Variants in PTPRO observed in about 807,000 individuals in gnomAD.
The protein encoded by PTPRO is protein tyrosine phosphatase receptor type O.
A neutral mutation model predicts 145.2 loss-of-function variants in PTPRO; 62 were observed. The observed-to-expected ratio is 0.43, with a 90% CI of 0.35 to 0.53. The LOEUF (loss-of-function observed/expected upper bound fraction) is 0.53. Among genes scored for constraint, PTPRO ranks in the 20% least tolerant of loss-of-function variants. The pLI, the probability that PTPRO is intolerant of heterozygous loss-of-function variation, is 0.01. For missense variants in PTPRO, 1,345 were observed against 1,482.7 expected, an observed-to-expected ratio of 0.91 and a Z score of 1.53; for synonymous variants, 565 against 514.7, an observed-to-expected ratio of 1.10 and a Z score of -1.32.
intron 18 of PTPRO, among the ~76,000 whole-genome samples, chr12:15,567,345 A>G (rs141751107): frequency 1.5e-3 from 225 of 151,490 alleles, no homozygotes; most frequent in African/African-American, 5.2e-3. Context: ...TTCTATCTCC[A>G]CTTGTCTTCA....
intron 8 of PTPRO, among the ~76,000 whole-genome samples, chr12:15,516,559 G>A (rs1484030059): frequency 7.3e-6 from 1 of 136,964 alleles, no homozygotes; most frequent in African/African-American, 2.7e-5. Flanking sequence ...GAGGGAAGAA[G>A]GAAGGGGGAG....
chr12:15,529,007 C>T (rs1367057358), intron 12 of PTPRO, among the ~76,000 whole-genome samples: 1 of 152,114 alleles, frequency 6.6e-6, no homozygotes, highest in Non-Finnish European at 1.5e-5. Flanking sequence ...ACAAGAAATG[C>T]AAGAGAGTTC....
At chr12:15,565,674 A>G (rs1316287047) in intron 18 of PTPRO, 46 bp downstream of exon 18, 1 of 1,282,866 alleles carries the variant, frequency 7.8e-7, no homozygotes, top group South Asian at 1.2e-5. Flanking sequence ...TTGTTATAAT[A>G]ATCTTAACGT....
At chr12:15,513,203 AAGAAAG>A (rs1217755640) in intron 7 of PTPRO, among the ~76,000 whole-genome samples, 5 of 120,154 alleles carry the variant, frequency 4.2e-5, no homozygotes, top group African/African-American at 1.9e-4. Flanking sequence ...GAAAGAAAGA[AAGAAAG>A]AAAGAAAGAA....
intron 1 of PTPRO, among the ~76,000 whole-genome samples, chr12:15,433,201 G>A (rs1193677320): frequency 7.4e-6 from 1 of 134,732 alleles, no homozygotes; most frequent in Admixed American, 8.1e-5. Context: ...CTGAGGTGGA[G>A]TCTCACTCTG....
intron 12 of PTPRO, among the ~76,000 whole-genome samples, chr12:15,537,887 G>C (rs1044709988): frequency 2.0e-5 from 3 of 152,144 alleles, no homozygotes; most frequent in Non-Finnish European, 4.4e-5. Flanking sequence ...CAAACAGACA[G>C]TATGGGCATT....
intron 12 of PTPRO, among the ~76,000 whole-genome samples, chr12:15,541,774 G>C (rs1591706927): frequency 6.6e-6 from 1 of 152,226 alleles, no homozygotes; most frequent in East Asian, 1.9e-4. Flanking sequence ...AACTTTGGGT[G>C]GCTGAGGTGG....
chr12:15,578,825 T>C (rs1258587651), intron 19 of PTPRO, 28 bp from the exon 20 acceptor site: 2 of 1,505,566 alleles, frequency 1.3e-6, no homozygotes, highest in Non-Finnish European at 1.8e-6. Context: ...CGTATGGAAC[T>C]CTCAAATCCA....
At chr12:15,557,409 T>C in intron 15 of PTPRO, 46 bp from the exon 16 acceptor site, 1 of 1,498,282 alleles carries the variant, frequency 6.7e-7, no homozygotes, top group Non-Finnish European at 9.3e-7. Flanking sequence ...AACGTAAGAA[T>C]GCTTTGTCAA....
At position 15,595,044 on chromosome 12, in the gene PTPRO, C is replaced by A; in HGVS notation, c.*3C>A. The A allele has an allele frequency of 6.2e-7, 1 of 1,608,822 alleles. No individual in the cohort carries two copies. The highest frequency in any genetic ancestry group is 1.1e-5 in the South Asian group (1 of 90,910). On this transcript the variant is annotated 3_prime_UTR_variant, in exon 26 of 27. Transcript: ENST00000281171. ...ACGAGAATGTTAGCAAGTCCTAGTT[C>A]AGAATCCGGAGCAGTAAGTGGAGAA...
At chr12:15,502,187 G>A in intron 5 of PTPRO, 124 bp downstream of exon 5, 2 of 960,570 alleles carry the variant, frequency 2.1e-6, no homozygotes, top group South Asian at 3.2e-5. Context: ...TAATGGTAAT[G>A]AAAGGGGAGA....
At chr12:15,576,125 G>T (rs1222066240) in intron 19 of PTPRO, among the ~76,000 whole-genome samples, 1 of 152,162 alleles carries the variant, frequency 6.6e-6, no homozygotes, top group Non-Finnish European at 1.5e-5. Flanking sequence ...GATTTATGTG[G>T]GTTTCAGGTC....
chr12:15,499,658 A>AT, intron 4 of PTPRO, 64 bp downstream of exon 4: 1 of 1,523,334 alleles, frequency 6.6e-7, no homozygotes, highest in Non-Finnish European at 9.1e-7. Context: ...CTGTACATTT[A>AT]TTTTTTATCC....
At chr12:15,440,936 A>G (rs1164589164) in intron 1 of PTPRO, among the ~76,000 whole-genome samples, 1 of 152,184 alleles carries the variant, frequency 6.6e-6, no homozygotes. Context: ...CCCCCAACTG[A>G]CAGCAGTAGA....
chr12:15,330,303 T>C (rs1044663142), intron 1 of PTPRO, among the ~76,000 whole-genome samples: 7 of 152,176 alleles, frequency 4.6e-5, no homozygotes, highest in African/African-American at 1.7e-4. Context: ...AATAGCTACA[T>C]TGGCAAGACT....
chr12:15,460,227 A>G (rs1941271380), intron 1 of PTPRO, among the ~76,000 whole-genome samples: 1 of 152,120 alleles, frequency 6.6e-6, no homozygotes, highest in East Asian at 1.9e-4. Context: ...ACTTTTGAAA[A>G]CTAAGGCCTT....
At chr12:15,468,339 C>T (rs1298041099) in intron 1 of PTPRO, among the ~76,000 whole-genome samples, 1 of 152,170 alleles carries the variant, frequency 6.6e-6, no homozygotes, top group Non-Finnish European at 1.5e-5. Context: ...AGTGTCTTCC[C>T]ATCGCCTTTA....
chr12:15,580,106 C>T lies in PTPRO; in HGVS notation c.2988C>T (p.Asn996=), dbSNP rs1944277483. The T allele has an allele frequency of 1.2e-6, 2 of 1,611,482 alleles. No individual in the cohort carries two copies. Among genetic ancestry groups the T allele is most frequent in the Admixed American group, 3.3e-5 (2 of 59,998 alleles). The change falls in exon 21 of 27, where the codon AAC becomes AAT. Residue 996 remains asparagine (N), a synonymous_variant. Transcript: ENST00000281171. The part of the protein sequence containing the change: ...EEEGADYINA[N]YIPGYNSPQE... ...AAGGTGCAGACTACATCAATGCCAA[C>T]TATATTCCTGTAAGTAGAAAAAAAA...
intron 1 of PTPRO, among the ~76,000 whole-genome samples, chr12:15,342,219 T>C (rs894152363): frequency 6.6e-6 from 1 of 152,220 alleles, no homozygotes; most frequent in Non-Finnish European, 1.5e-5. Context: ...AATGACTTAA[T>C]ATATAAAAGT....
Sources: gnomAD v4.1 joint callset for allele counts (sites outside exome capture counted in the v4.1 genomes callset) on GRCh38, gnomAD v4.1.1 for gene constraint, MANE v1.5 for transcripts, NCBI Gene and HGNC (gene_info 2026-07-23, HGNC 2026-07-21) for gene names.